The following VPS53 variants were observed in gnomAD, a reference collection of about 807,000 sequenced individuals.
The protein encoded by VPS53 is vacuolar protein sorting-associated protein 53 homolog.
A neutral mutation model predicts 107.0 loss-of-function variants in VPS53; 70 were observed. That is an observed-to-expected ratio of 0.65 (90% CI 0.54 to 0.80). The LOEUF (loss-of-function observed/expected upper bound fraction) is 0.80. Among genes scored for constraint, VPS53 ranks in the 30% least tolerant of loss-of-function variants. The pLI, the probability that VPS53 is intolerant of heterozygous loss-of-function variation, is 0.00. For missense variants in VPS53, 917 were observed against 1,049.4 expected (o/e 0.87, Z 1.74); for synonymous variants, 409 against 393.3 (o/e 1.04, Z -0.47).
At chr17:556,569 A>G (rs1045245002) in intron 15 of VPS53, among the ~76,000 whole-genome samples, 6 of 152,182 alleles carry the variant, frequency 3.9e-5, no homozygotes, top group African/African-American at 1.2e-4. Context: ...TATGGGTTAT[A>G]AGCTTAATCC....
At chr17:681,240 T>C (rs1444335018) in intron 4 of VPS53, among the ~76,000 whole-genome samples, 1 of 152,116 alleles carries the variant, frequency 6.6e-6, no homozygotes, top group African/African-American at 2.4e-5. Context: ...GGGTTCAAGT[T>C]ATTCTTCTGC....
intron 5 of VPS53, among the ~76,000 whole-genome samples, chr17:660,018 T>C (rs1971380129): frequency 6.6e-6 from 1 of 152,192 alleles, no homozygotes; most frequent in South Asian, 2.1e-4. Context: ...AGGCCCATGG[T>C]TGATTCGCCT....
chr17:656,731 T>TGTGTGTG (rs571847599), intron 5 of VPS53: 178 of 705,698 alleles, frequency 2.5e-4, no homozygotes, highest in Admixed American at 5.3e-4. Context: ...TGTGTGTGTG[T>TGTGTGTG]TTTATCATGC....
chr17:659,362 C>T (rs1380752221), intron 5 of VPS53, among the ~76,000 whole-genome samples: 1 of 152,212 alleles, frequency 6.6e-6, no homozygotes, highest in Non-Finnish European at 1.5e-5. Flanking sequence ...TGGTTCACTG[C>T]AGCCTCCACT....
chr17:581,844 C>T (rs536592424), intron 13 of VPS53, among the ~76,000 whole-genome samples: 1 of 152,120 alleles, frequency 6.6e-6, no homozygotes, highest in East Asian at 1.9e-4. Context: ...CAATGCGTTC[C>T]CAGAGAACCT....
chr17:566,752 G>C (rs193118011), intron 13 of VPS53, among the ~76,000 whole-genome samples: 1 of 150,950 alleles, frequency 6.6e-6, no homozygotes, highest in Non-Finnish European at 1.5e-5. Context: ...TTTGTTTTTT[G>C]CTTTTTTTGG....
intron 11 of VPS53, among the ~76,000 whole-genome samples, chr17:618,408 G>A (rs1381184274): frequency 5.7e-5 from 7 of 123,486 alleles, no homozygotes; most frequent in Admixed American, 2.5e-4. Flanking sequence ...GCACCACCAC[G>A]CCCCACTAAT....
intron 11 of VPS53, among the ~76,000 whole-genome samples, chr17:608,854 C>T (rs1968708601): frequency 6.6e-6 from 1 of 151,988 alleles, no homozygotes; most frequent in Non-Finnish European, 1.5e-5. Flanking sequence ...TGTAAGAGAC[C>T]TGCCCACCTC....
intron 13 of VPS53, among the ~76,000 whole-genome samples, chr17:574,577 C>A (rs1004268143): frequency 6.6e-6 from 1 of 151,936 alleles, no homozygotes; most frequent in African/African-American, 2.4e-5. Context: ...CCAGCCTGGG[C>A]AACATGGCAA....
At chr17:641,173 G>T (rs1244699049) in intron 7 of VPS53, among the ~76,000 whole-genome samples, 1 of 152,114 alleles carries the variant, frequency 6.6e-6, no homozygotes, top group Non-Finnish European at 1.5e-5. Flanking sequence ...ATAGCAGTTT[G>T]TGAAGTGGCT....
At chr17:522,794 C>T (rs1029081133) in intron 19 of VPS53, 2 of 152,202 alleles carry the variant, frequency 1.3e-5, no homozygotes, top group Admixed American at 1.3e-4. Context: ...CCTAAAGGCT[C>T]ACTGACTGCC....
chr17:585,805 G>A (rs1368777763), intron 13 of VPS53, among the ~76,000 whole-genome samples: 1 of 152,142 alleles, frequency 6.6e-6, no homozygotes, highest in Admixed American at 6.5e-5. Context: ...TGGTAACTCT[G>A]GTTGTTATGT....
intron 4 of VPS53, among the ~76,000 whole-genome samples, chr17:693,908 G>C (rs1972858750): frequency 1.3e-5 from 2 of 152,206 alleles, no homozygotes; most frequent in South Asian, 4.1e-4. Context: ...AGGGAAGAGG[G>C]GAACGTGGGG....
intron 11 of VPS53, among the ~76,000 whole-genome samples, chr17:608,777 T>C (rs1968703354): frequency 6.6e-6 from 1 of 152,048 alleles, no homozygotes; most frequent in Non-Finnish European, 1.5e-5. Flanking sequence ...TACCACGCCC[T>C]GCTCATTTTA....
intron 13 of VPS53, among the ~76,000 whole-genome samples, chr17:563,966 C>T (rs1324962876): frequency 8.5e-5 from 13 of 152,320 alleles, no homozygotes; most frequent in African/African-American, 2.4e-4. Context: ...AGAGAGGGTA[C>T]GGGCAGAGTG....
intron 7 of VPS53, among the ~76,000 whole-genome samples, chr17:645,934 C>A (rs1235136984): frequency 2.4e-5 from 3 of 127,050 alleles, no homozygotes; most frequent in African/African-American, 8.3e-5. Flanking sequence ...GGACTGGAGA[C>A]TGGCTCCCAC....
intron 13 of VPS53, among the ~76,000 whole-genome samples, chr17:585,773 G>T (rs1193331498): frequency 6.6e-6 from 1 of 152,152 alleles, no homozygotes; most frequent in Non-Finnish European, 1.5e-5. Context: ...GCATTAATGG[G>T]ACAGTATTAC....
intron 13 of VPS53, among the ~76,000 whole-genome samples, chr17:576,048 G>T (rs1176233570): frequency 1.4e-5 from 2 of 146,618 alleles, no homozygotes; most frequent in African/African-American, 5.1e-5. Flanking sequence ...AACCTAACGC[G>T]TTCTCAGAGA....
chr17:573,356 C>T (rs576997298), intron 13 of VPS53, among the ~76,000 whole-genome samples: 183 of 152,370 alleles, frequency 1.2e-3, no homozygotes, highest in South Asian at 6.4e-3. Flanking sequence ...CTTAGCCCAA[C>T]CTGCTAGTGG....
Sources: gnomAD v4.1 joint callset for allele counts (sites outside exome capture counted in the v4.1 genomes callset) on GRCh38, gnomAD v4.1.1 for gene constraint, MANE v1.5 for transcripts, NCBI Gene and HGNC (gene_info 2026-07-23, HGNC 2026-07-21) for gene names.